Variants in NRXN3 observed in about 807,000 individuals in gnomAD.
NRXN3 encodes the protein neurexin 3.
NRXN3 carries 32 observed loss-of-function variants against 137.6 expected under a neutral mutation model. The observed-to-expected ratio is 0.23, with a 90% CI of 0.18 to 0.31. The LOEUF is 0.31. NRXN3 is among the 10% of genes least tolerant of loss of function. The pLI, the probability that NRXN3 is intolerant of heterozygous loss-of-function variation, is 1.00. For missense variants in NRXN3, 1,574 were observed against 2,062.5 expected (o/e 0.76, Z 4.59); for synonymous variants, 798 against 784.5 (o/e 1.02, Z -0.29).
chr14:79,702,049 G>C (rs1456136872), intron 19 of NRXN3, among the ~76,000 whole-genome samples: 1 of 151,970 alleles, frequency 6.6e-6, no homozygotes, highest in Non-Finnish European at 1.5e-5. Flanking sequence ...AGTGGCTATA[G>C]TTTAGAGTAA....
At chr14:78,287,351 C>T (rs2075289294) in intron 3 of NRXN3, among the ~76,000 whole-genome samples, 1 of 152,268 alleles carries the variant, frequency 6.6e-6, no homozygotes, top group East Asian at 1.9e-4. Context: ...TTTCTGGCCC[C>T]CTTATCTGCT....
chr14:78,897,655 C>G (rs1332151619), intron 10 of NRXN3, among the ~76,000 whole-genome samples: 2 of 151,888 alleles, frequency 1.3e-5, no homozygotes, highest in African/African-American at 2.4e-5. Context: ...GACTCCTCCA[C>G]CTCCACTCTG....
Position 79,301,131 on chromosome 14 carries a change from TAG to T in NRXN3, c.3263-166089_3263-166088del, listed in dbSNP as rs577774935. 2.0e-3 allele frequency among the ~76,000 whole-genome samples: 311 copies of T among 152,216 alleles called. 5 individuals carry two copies. In the South Asian group the frequency reaches 0.021, roughly 10 times the overall value. On this transcript the variant is annotated intron_variant, in intron 15 of 20. Coordinates refer to ENST00000335750, the MANE Select transcript of NRXN3 (RefSeq NM_001330195.2). ...CCTATATAACGTTTAATATGCTATA[TAG>T]TTTTGTTGCATTGTTTTACTCTGCT...
At position 79,143,253 on chromosome 14, in the gene NRXN3, A is replaced by G. The variant is rs78917775; in HGVS notation, c.3262+155112A>G. Among the ~76,000 whole-genome samples, 259 of 152,368 alleles carry G rather than the reference A, an allele frequency of 1.7e-3. 6 individuals carry two copies. The East Asian group carries it at 0.04, about 23-fold the overall frequency. ...ATTGAATTTAAATCTATATATAGTT[A>G]TAGGAATAAATGCTTGGAGGATTTT... On this transcript the variant is annotated intron_variant, in intron 15 of 20. Coordinates refer to ENST00000335750, the MANE Select transcript of NRXN3 (RefSeq NM_001330195.2).
intron 4 of NRXN3, among the ~76,000 whole-genome samples, chr14:78,407,865 A>G (rs531000465): frequency 6.6e-6 from 1 of 152,192 alleles, no homozygotes; most frequent in Admixed American, 6.5e-5. Context: ...CTCCTCCCTC[A>G]CTGGACTCTT....
At chr14:79,638,198 C>T (rs1265073993) in intron 16 of NRXN3, among the ~76,000 whole-genome samples, 3 of 152,138 alleles carry the variant, frequency 2.0e-5, no homozygotes, top group Non-Finnish European at 4.4e-5. Context: ...GTCTGGAAAC[C>T]AAATAATCAT....
chr14:78,631,395 T>A (rs1186492133), intron 4 of NRXN3, among the ~76,000 whole-genome samples: 1 of 152,176 alleles, frequency 6.6e-6, no homozygotes, highest in East Asian at 1.9e-4. Context: ...TATCACAACT[T>A]CTCTAAGTCT....
chr14:78,991,066 T>C (rs922835736), intron 15 of NRXN3, among the ~76,000 whole-genome samples: 1 of 152,234 alleles, frequency 6.6e-6, no homozygotes, highest in African/African-American at 2.4e-5. Flanking sequence ...AGTGTTAACC[T>C]TCATCATCAC....
chr14:79,846,712 C>T (rs768331617), intron 20 of NRXN3, among the ~76,000 whole-genome samples: 23 of 152,124 alleles, frequency 1.5e-4, no homozygotes, highest in Non-Finnish European at 3.2e-4. Context: ...TTTTTGTTGA[C>T]TCAATACTCC....
intron 1 of NRXN3, among the ~76,000 whole-genome samples, chr14:78,192,307 G>C (rs535218966): frequency 7.7e-4 from 117 of 152,176 alleles, no homozygotes; most frequent in Admixed American, 1.8e-3. Context: ...TTTGAAACCT[G>C]TCTGGGAAGG....
intron 4 of NRXN3, among the ~76,000 whole-genome samples, chr14:78,496,320 T>C (rs903464320): frequency 6.6e-6 from 1 of 152,208 alleles, no homozygotes; most frequent in Non-Finnish European, 1.5e-5. Flanking sequence ...ATTAATACAG[T>C]TGTAGATTTG....
At chr14:79,680,909 C>T (rs1316341997) in intron 17 of NRXN3, among the ~76,000 whole-genome samples, 2 of 152,140 alleles carry the variant, frequency 1.3e-5, no homozygotes, top group African/African-American at 2.4e-5. Flanking sequence ...TAACTCTACT[C>T]ATTATCGTCT....
intron 4 of NRXN3, among the ~76,000 whole-genome samples, chr14:78,478,353 A>G (rs985434091): frequency 4.6e-5 from 7 of 152,180 alleles, no homozygotes; most frequent in Non-Finnish European, 7.4e-5. Flanking sequence ...CCAACATGGA[A>G]TGCTTCATGG....
At chr14:78,950,049 A>G (rs1438150155) in intron 10 of NRXN3, among the ~76,000 whole-genome samples, 1 of 152,230 alleles carries the variant, frequency 6.6e-6, no homozygotes, top group Non-Finnish European at 1.5e-5. Flanking sequence ...ACTCAAAAGC[A>G]CTATAATACC....
intron 16 of NRXN3, among the ~76,000 whole-genome samples, chr14:79,475,612 T>C (rs2096552730): frequency 6.6e-6 from 1 of 152,144 alleles, no homozygotes. Flanking sequence ...CTACTCATTA[T>C]GAGGTGATGT....
chr14:79,221,584 C>G (rs759926550), intron 15 of NRXN3, among the ~76,000 whole-genome samples: 1 of 152,100 alleles, frequency 6.6e-6, no homozygotes, highest in African/African-American at 2.4e-5. Context: ...CCTTCACCTA[C>G]TTTGTGATGG....
chr14:79,693,254 T>C (rs2154026365), intron 18 of NRXN3, among the ~76,000 whole-genome samples: 1 of 152,100 alleles, frequency 6.6e-6, no homozygotes, highest in African/African-American at 2.4e-5. Flanking sequence ...TGTAGAGATT[T>C]CATTGAGTTA....
intron 15 of NRXN3, among the ~76,000 whole-genome samples, chr14:79,260,159 T>A (rs193057478): frequency 6.4e-4 from 97 of 152,316 alleles, no homozygotes; most frequent in African/African-American, 2.3e-3. Context: ...ATTACTTTAG[T>A]GAGATGGGAC....
At chr14:78,971,610 A>G (rs2099441019) in intron 14 of NRXN3, among the ~76,000 whole-genome samples, 1 of 152,042 alleles carries the variant, frequency 6.6e-6, no homozygotes, top group Non-Finnish European at 1.5e-5. Flanking sequence ...AAAGAGTCCA[A>G]AATTATTTTT....
Sources: allele counts gnomAD v4.1 joint callset (sites outside exome capture counted in the v4.1 genomes callset), GRCh38; gene constraint gnomAD v4.1.1; transcripts MANE v1.5; gene names NCBI Gene and HGNC (gene_info 2026-07-23, HGNC 2026-07-21).